Variants in HSPG2 observed in about 807,000 individuals in gnomAD.
HSPG2 encodes heparan sulfate proteoglycan 2.
Under a neutral mutation model 526.6 loss-of-function variants are expected in HSPG2, and 278 were observed. The observed-to-expected ratio is 0.53, with a 90% CI of 0.48 to 0.58. HSPG2 has a LOEUF of 0.58. Ranked by LOEUF, HSPG2 falls within the 20% of genes least tolerant of loss-of-function variation. The pLI is 0.00. For missense variants in HSPG2, 5,354 were observed against 6,099.5 expected (o/e 0.88, Z 4.07); for synonymous variants, 2,465 against 2,555.4 (o/e 0.96, Z 1.07).
chr1:21,839,181 G>T lies in HSPG2; in HGVS notation c.9890-96C>A. ...AGTGTCCAGGGAAGCTGAATGGTGAGCCCAGAGGACTGGGGATAAGGAAAG... is the reference window on the plus strand; with the variant it reads ...AGTGTCCAGGGAAGCTGAATGGTGATCCCAGAGGACTGGGGATAAGGAAAG... On this transcript the variant is annotated intron_variant, in intron 73 of 96. Coordinates refer to ENST00000374695, the MANE Select transcript of HSPG2 (RefSeq NM_005529.7). The surrounding 1 kb of genome is among the most constrained non-coding windows in gnomAD (Gnocchi z 4.5). 1 of 1,501,514 alleles carries T rather than the reference G, an allele frequency of 6.7e-7. No individual in the cohort carries two copies. The highest frequency in any genetic ancestry group is 9.0e-7 in the Non-Finnish European group (1 of 1,107,440). 93.0% of individuals were successfully genotyped at this position (1,501,514 alleles called of 1,614,324 possible).
intron 1 of HSPG2, among the ~76,000 whole-genome samples, chr1:21,928,395 G>C (rs900598772): frequency 5.9e-5 from 9 of 152,216 alleles, no homozygotes; most frequent in Admixed American, 4.6e-4. Context: ...GGCCTTCTTG[G>C]CCTGCTGGCT....
chr1:21,849,994 ACTGCAG>A (rs1638761142), intron 57 of HSPG2, 41 bp downstream of exon 57: 1 of 1,609,748 alleles, frequency 6.2e-7, no homozygotes, highest in South Asian at 1.1e-5. Context: ...ATGCTCTTGT[ACTGCAG>A]CTACAGGGTC....
chr1:21,853,354 C>T (rs529679697), intron 50 of HSPG2, among the ~76,000 whole-genome samples: 8 of 152,346 alleles, frequency 5.3e-5, no homozygotes, highest in South Asian at 4.1e-4. Context: ...ACCCAGGCTG[C>T]GCCCAAGGAT....
rs1347300305 is a variant in HSPG2 at position 21,823,289 on chromosome 1, G to A, written c.*27C>T. The A allele has an allele frequency of 4.7e-6, 7 of 1,490,968 alleles. No homozygotes were observed. The highest frequency in any genetic ancestry group is 2.3e-5 in the Admixed American group (1 of 43,438). 92.4% of individuals were successfully genotyped at this position (1,490,968 alleles called of 1,614,324 possible). ...ACATTGTCGGGCTGGGGCGTGGCCCGGGAGTCCGTGTGGGGCAGGCAGGTG... is the reference window on the plus strand; with the variant it reads ...ACATTGTCGGGCTGGGGCGTGGCCCAGGAGTCCGTGTGGGGCAGGCAGGTG... On this transcript the variant is annotated 3_prime_UTR_variant, in exon 97 of 97. Coordinates refer to ENST00000374695, the MANE Select transcript of HSPG2 (RefSeq NM_005529.7).
chr1:21,840,801 G>T (rs1297204270), intron 71 of HSPG2, among the ~76,000 whole-genome samples: 1 of 152,058 alleles, frequency 6.6e-6, no homozygotes, highest in South Asian at 2.1e-4. Flanking sequence ...CCTTTCCTTG[G>T]TTTTTAGCTG....
intron 1 of HSPG2, among the ~76,000 whole-genome samples, chr1:21,910,950 A>G (rs1643625078): frequency 6.6e-6 from 1 of 152,170 alleles, no homozygotes; most frequent in Non-Finnish European, 1.5e-5. Flanking sequence ...GAGGTCGCAA[A>G]TGGCCAAGCT....
At chr1:21,829,334 G>A (rs2097991558) in intron 87 of HSPG2, 49 bp downstream of exon 87, 1 of 1,572,414 alleles carries the variant, frequency 6.4e-7, no homozygotes, top group Non-Finnish European at 8.7e-7. Flanking sequence ...AGCCGAGGGG[G>A]GCACAAGGCT....
At chr1:21,894,133 G>A (rs1370184005) in intron 3 of HSPG2, among the ~76,000 whole-genome samples, 4 of 152,084 alleles carry the variant, frequency 2.6e-5, no homozygotes, top group Admixed American at 2.0e-4. Context: ...GAAAGAAACT[G>A]GGGGAGGAGA....
chr1:21,854,321 A>T lies in HSPG2; in HGVS notation c.6311T>A (p.Leu2104His). The T allele has an allele frequency of 6.4e-7, 1 of 1,572,128 alleles. No individual in the cohort carries two copies. Residue 2104 changes from leucine (L) to histidine (H), a missense_variant, in exon 50 of 97, where the codon CTC becomes CAC. Physicochemically the swap from Leu to His is moderately conservative, Grantham distance 99. Coordinates refer to ENST00000374695, the MANE Select transcript of HSPG2 (RefSeq NM_005529.7). The stretch of plus-strand genomic sequence containing the variant: ...AGAATCAGCTGGTGAGACCTGGGGG[A>T]GCCGCAGACGGGAGCCGTGCACCTG... ...HTQVHGSRLRLPQVSPADSGE... is the reference protein window; with the variant it reads ...HTQVHGSRLRHPQVSPADSGE...
At position 21,828,777 on chromosome 1, in the gene HSPG2, G is replaced by A. The variant is rs946383004; in HGVS notation, c.12237+58C>T. ...ATGCCAAGGTGCTTGGAGAGCCGAG[G>A]GGGACACAAGGCTTGGCACCCCTCC... On this transcript the variant is annotated intron_variant, in intron 88 of 96. Transcript: ENST00000374695. The surrounding 1 kb of genome is among the most constrained non-coding windows in gnomAD (Gnocchi z 6.0). 3.9e-6 allele frequency: 6 copies of A among 1,548,990 alleles called. No homozygotes were observed. In the East Asian group the frequency reaches 1.5e-4, roughly 38 times the overall value.
rs541473043 is a variant in HSPG2, at chr1:21,897,402, G to C, written c.64-1092C>G. Among the ~76,000 whole-genome samples the C allele has an allele frequency of 7.2e-5, 11 of 152,324 alleles. No individual in the cohort carries two copies. The South Asian group carries it at 1.9e-3, about 26-fold the overall frequency. ...AGACAAGGTAGTGAGGTCCAAGCCA[G>C]AGCAAAGGCCAAGGAGGAGAAAAAA... On this transcript the variant is annotated intron_variant, in intron 1 of 96. Transcript: ENST00000374695.
At chr1:21,886,852 T>C (rs1010884928) in intron 9 of HSPG2, among the ~76,000 whole-genome samples, 3 of 152,024 alleles carry the variant, frequency 2.0e-5, no homozygotes, top group African/African-American at 4.8e-5. Flanking sequence ...CCAAGGGACC[T>C]TGGCACATAG....
At chr1:21,888,477 T>C (rs1274056882) in intron 6 of HSPG2, among the ~76,000 whole-genome samples, 1 of 152,360 alleles carries the variant, frequency 6.6e-6, no homozygotes, top group East Asian at 1.9e-4. Context: ...CTCTCTTCTT[T>C]TTTATTTTTT....
chr1:21,914,590 G>A lies in HSPG2; in HGVS notation c.64-18280C>T, dbSNP rs753216589. On this transcript the variant is annotated intron_variant, in intron 1 of 96. Coordinates refer to ENST00000374695, the MANE Select transcript of HSPG2 (RefSeq NM_005529.7). ...GGGAGGAGCAGAAAGGTAGAAAAGC[G>A]CAGGTGTCTGAGTCCAAGCTCTGAT... Among the ~76,000 whole-genome samples, 36 of 152,278 alleles carry A rather than the reference G, an allele frequency of 2.4e-4. 1 individual carries two copies. Among genetic ancestry groups the A allele is most frequent in the Non-Finnish European group, 4.7e-4 (32 of 68,014 alleles).
rs373627046 is a variant in HSPG2 at position 21,836,923 on chromosome 1, T to C, written c.10234A>G (p.Ser3412Gly). Residue 3412 changes from serine to glycine, a missense_variant, in exon 75 of 97, where the codon AGC (serine) becomes GGC (glycine). By Grantham distance (56) the Ser-to-Gly change is moderately conservative (BLOSUM62 0). Coordinates refer to ENST00000374695, the MANE Select transcript of HSPG2 (RefSeq NM_005529.7). ...VQVTPQLETK[S>G]IGASVEFHCA... ...TGGAACTCAACGCTGGCCCCAATGC[T>C]CTTGGTCTCTAGCTGAGGCGTGACC... 160 of 1,558,534 alleles carry C rather than the reference T, an allele frequency of 1.0e-4. No homozygotes were observed. The East Asian group carries it at 3.2e-3, about 32-fold the overall frequency.
In HSPG2 at chr1:21,855,621, C is replaced by G; in HGVS notation, c.5756G>C (p.Arg1919Pro). 6.3e-7 allele frequency: 1 copy of G among 1,576,606 alleles called. No homozygotes were observed. Among genetic ancestry groups the G allele is most frequent in the Non-Finnish European group, 8.6e-7 (1 of 1,164,064 alleles). The change falls in exon 46 of 97, where the codon CGC becomes CCC. Residue 1919 changes from arginine to proline, a missense_variant. Arg to Pro is a moderately radical substitution (Grantham distance 103, BLOSUM62 -2). Coordinates refer to ENST00000374695, the MANE Select transcript of HSPG2 (RefSeq NM_005529.7). The stretch of plus-strand genomic sequence containing the variant: ...ATCCGTGGGCTCGACAGCTGGCAGG[C>G]GCAGGATGCCGCCGTGGATTTGTGC... ...AKAQIHGGIL[R>P]LPAVEPTDQA... is the part of the protein sequence containing the mutation.
intron 91 of HSPG2, chr1:21,825,188 TAAAG>T (rs2097967053): frequency 3.6e-6 from 1 of 277,412 alleles, no homozygotes; most frequent in Non-Finnish European, 7.0e-6. Context: ...GATGTGTTAA[TAAAG>T]AAGCACATAT....
In HSPG2 at chr1:21,874,454, G is replaced by T. The variant is rs375214661; in HGVS notation, c.3608C>A (p.Pro1203Gln). 1.2e-4 allele frequency: 197 copies of T among 1,611,984 alleles called. No individual in the cohort carries two copies. The highest frequency in any genetic ancestry group is 1.6e-4 in the Non-Finnish European group (183 of 1,179,946). ...GYYGDAQRGTPQDCQLCPCYG... is the reference protein window; with the variant it reads ...GYYGDAQRGTQQDCQLCPCYG... ...GCAGGGGCACAGCTGGCAGTCCTGT[G>T]GTGTCCCCCGCTGGGCGTCCCCGTA... The change falls in exon 28 of 97, where the codon CCA (proline) becomes CAA (glutamine). Residue 1203 changes from proline (P) to glutamine (Q), a missense_variant. Transcript: ENST00000374695.
At chr1:21,837,616 C>T (rs1292009245) in intron 74 of HSPG2, among the ~76,000 whole-genome samples, 1 of 152,068 alleles carries the variant, frequency 6.6e-6, no homozygotes, top group Non-Finnish European at 1.5e-5. Context: ...GGAAGGACAG[C>T]AAAGCCTATT....
Sources: gnomAD v4.1 joint callset for allele counts (sites outside exome capture counted in the v4.1 genomes callset) on GRCh38, gnomAD v4.1.1 for gene constraint, Gnocchi (gnomAD v3.1) non-coding constraint, MANE v1.5 for transcripts, NCBI Gene and HGNC (gene_info 2026-07-23, HGNC 2026-07-21) for gene names.